The following PMM2 variants were observed in gnomAD, a reference collection of about 807,000 sequenced individuals.
PMM2 encodes phosphomannomutase 2.
In PMM2, 35 loss-of-function variants were observed where a neutral mutation model predicts 33.2. That is an observed-to-expected ratio of 1.06 (90% CI 0.81 to 1.40). PMM2 has a LOEUF of 1.40. PMM2 is among the 40% of genes most tolerant of loss of function. PMM2 has a pLI of 0.00. For synonymous variants in PMM2, 153 were observed against 114.7 expected (o/e 1.33, Z -2.13); for missense variants, 386 against 306.0 (o/e 1.26, Z -1.95).
chr16:8,816,993 A>G (rs2060711864), intron 7 of PMM2, among the ~76,000 whole-genome samples: 1 of 152,222 alleles, frequency 6.6e-6, no homozygotes, highest in East Asian at 1.9e-4. Flanking sequence ...TGTGTTGCCC[A>G]GGCTGTACTC....
intron 7 of PMM2, among the ~76,000 whole-genome samples, chr16:8,829,869 T>C (rs753814966): frequency 4.6e-4 from 70 of 152,192 alleles, no homozygotes; most frequent in Admixed American, 6.5e-4. Context: ...CAGAAAGAGT[T>C]TCCAGACTAA....
At chr16:8,836,411 G>T (rs1464963409) in intron 7 of PMM2, among the ~76,000 whole-genome samples, 1 of 151,926 alleles carries the variant, frequency 6.6e-6, no homozygotes, top group Non-Finnish European at 1.5e-5. Context: ...GATGGGACGC[G>T]GCTTAGGAGG....
chr16:8,828,087 G>A (rs1328052729), intron 7 of PMM2, among the ~76,000 whole-genome samples: 1 of 132,206 alleles, frequency 7.6e-6, no homozygotes, highest in Non-Finnish European at 1.5e-5. Flanking sequence ...ACTCTAGCCA[G>A]GATAGACAGC....
intron 4 of PMM2, 82 bp from the exon 5 acceptor site, chr16:8,810,997 C>G: frequency 1.2e-6 from 1 of 818,834 alleles, no homozygotes; most frequent in Non-Finnish European, 2.1e-6. Context: ...TTTAGAATTT[C>G]CCAAGATTTT....
intron 7 of PMM2, among the ~76,000 whole-genome samples, chr16:8,843,645 A>G (rs953583352): frequency 6.6e-6 from 1 of 152,176 alleles, no homozygotes; most frequent in African/African-American, 2.4e-5. Context: ...TTTGTCTCAC[A>G]GTGGAGGCAA....
intron 3 of PMM2, 115 bp from the exon 4 acceptor site, chr16:8,806,201 G>A: frequency 1.3e-6 from 1 of 747,364 alleles, no homozygotes; most frequent in East Asian, 2.5e-5. Context: ...CACCATCACT[G>A]CTACATCAGC....
chr16:8,846,576 A>G (rs147669980), intron 7 of PMM2, among the ~76,000 whole-genome samples: 3 of 152,166 alleles, frequency 2.0e-5, no homozygotes, highest in African/African-American at 7.2e-5. Context: ...GGAGCACTCA[A>G]CTCAGGCACA....
intron 7 of PMM2, among the ~76,000 whole-genome samples, chr16:8,826,552 T>C (rs537515531): frequency 1.1e-4 from 16 of 152,330 alleles, no homozygotes; most frequent in African/African-American, 3.6e-4. Context: ...ATCTGCCTAA[T>C]TCAGACCAAA....
chr16:8,837,836 T>A (rs2060861190), intron 7 of PMM2, among the ~76,000 whole-genome samples: 1 of 152,034 alleles, frequency 6.6e-6, no homozygotes. Context: ...GTCCCTGCAG[T>A]GATTAAACAC....
At chr16:8,813,259 G>GC (rs1287473622) in intron 7 of PMM2, among the ~76,000 whole-genome samples, 153 bp downstream of exon 7, 1 of 152,166 alleles carries the variant, frequency 6.6e-6, no homozygotes, top group Non-Finnish European at 1.5e-5. Flanking sequence ...GGGTGATTGA[G>GC]CCACCTTCCC....
At chr16:8,832,889 C>CA (rs1229875080) in intron 7 of PMM2, 14 of 985,470 alleles carry the variant, frequency 1.4e-5, no homozygotes, top group Non-Finnish European at 1.7e-5. Flanking sequence ...AGGGTTCCCT[C>CA]ACCCTCCAGG....
At chr16:8,830,403 A>G (rs556109382) in intron 7 of PMM2, among the ~76,000 whole-genome samples, 23 of 152,328 alleles carry the variant, frequency 1.5e-4, no homozygotes, top group African/African-American at 3.8e-4. Flanking sequence ...GAGTTTTATT[A>G]TTACTCAAAT....
chr16:8,844,555 G>A (rs1382257272), intron 7 of PMM2, among the ~76,000 whole-genome samples: 2 of 152,178 alleles, frequency 1.3e-5, no homozygotes, highest in African/African-American at 4.8e-5. Context: ...TGGGGTCCTT[G>A]CCCCTTCCTC....
chr16:8,836,279 G>A (rs1025006539), intron 7 of PMM2, among the ~76,000 whole-genome samples: 2 of 152,102 alleles, frequency 1.3e-5, no homozygotes, highest in Admixed American at 6.5e-5. Flanking sequence ...GGCAGTGTCA[G>A]TCTTCAGCTG....
At chr16:8,827,029 C>G (rs1002225018) in intron 7 of PMM2, among the ~76,000 whole-genome samples, 31 of 152,138 alleles carry the variant, frequency 2.0e-4, no homozygotes, top group Admixed American at 1.3e-4. Flanking sequence ...TCTCTCTCCC[C>G]TACTAAAGTA....
At chr16:8,847,036 G>C (rs2060930362) in intron 7 of PMM2, among the ~76,000 whole-genome samples, 1 of 152,050 alleles carries the variant, frequency 6.6e-6, no homozygotes, top group Non-Finnish European at 1.5e-5. Context: ...GCTAATTTTT[G>C]TATTTTAAGT....
chr16:8,832,395 A>T (rs1302009386), intron 7 of PMM2: 5 of 985,382 alleles, frequency 5.1e-6, no homozygotes, highest in Non-Finnish European at 6.0e-6. Flanking sequence ...ACCTAGCTTT[A>T]TTAAGTGTCA....
intron 7 of PMM2, among the ~76,000 whole-genome samples, chr16:8,817,387 CCTT>C (rs1291847744): frequency 2.6e-5 from 4 of 152,208 alleles, no homozygotes; most frequent in African/African-American, 9.7e-5. Context: ...CTTCCTCAGT[CCTT>C]CTCTAGCTTG....
chr16:8,828,940 A>G (rs1047505505), intron 7 of PMM2, among the ~76,000 whole-genome samples: 3 of 152,200 alleles, frequency 2.0e-5, no homozygotes, highest in African/African-American at 7.2e-5. Context: ...TGTGTGATTC[A>G]TCTGAGGCAT....
Sources: allele counts gnomAD v4.1 joint callset (sites outside exome capture counted in the v4.1 genomes callset), GRCh38; gene constraint gnomAD v4.1.1; transcripts MANE v1.5; gene names NCBI Gene and HGNC (gene_info 2026-07-23, HGNC 2026-07-21).